The following GRID2 variants were observed in gnomAD, a reference collection of about 807,000 sequenced individuals.
GRID2 encodes glutamate receptor ionotropic, delta-2.
Under a neutral mutation model 114.8 loss-of-function variants are expected in GRID2, and 33 were observed. The ratio of observed to expected loss-of-function variants is 0.29; its 90% CI spans 0.22 to 0.38. GRID2 has a LOEUF of 0.38. Among genes scored for constraint, GRID2 ranks in the 10% least tolerant of loss-of-function variants. The pLI is 1.00. For missense variants in GRID2, 1,184 were observed against 1,257.7 expected (o/e 0.94, Z 0.89); for synonymous variants, 505 against 449.9 (o/e 1.12, Z -1.55).
intron 4 of GRID2, among the ~76,000 whole-genome samples, chr4:93,207,148 G>A (rs1304710796): frequency 2.0e-5 from 3 of 151,958 alleles, no homozygotes; most frequent in East Asian, 3.9e-4. Context: ...ATTTTTTTCT[G>A]TTGAAACCCA....
At chr4:93,261,961 G>A (rs1750300107) in intron 8 of GRID2, among the ~76,000 whole-genome samples, 1 of 151,256 alleles carries the variant, frequency 6.6e-6, no homozygotes, top group Non-Finnish European at 1.5e-5. Flanking sequence ...ACCAAAATAG[G>A]CTCAAGGGCC....
At chr4:93,412,654 A>G (rs549491800) in intron 9 of GRID2, among the ~76,000 whole-genome samples, 49 of 152,132 alleles carry the variant, frequency 3.2e-4, no homozygotes, top group Non-Finnish European at 6.2e-4. Flanking sequence ...ATAGGTATAC[A>G]TGTGCCATGT....
intron 2 of GRID2, among the ~76,000 whole-genome samples, chr4:92,659,261 A>G (rs1397227667): frequency 6.6e-6 from 1 of 151,614 alleles, no homozygotes; most frequent in Non-Finnish European, 1.5e-5. Context: ...AGTTATTGCC[A>G]TTTACATGTT....
At chr4:93,412,579 T>C (rs563339259) in intron 9 of GRID2, among the ~76,000 whole-genome samples, 1 of 152,214 alleles carries the variant, frequency 6.6e-6, no homozygotes, top group African/African-American at 2.4e-5. Flanking sequence ...TCACTTTTAT[T>C]TTTCTTTTTC....
chr4:92,536,901 T>C (rs1398200868), intron 1 of GRID2, among the ~76,000 whole-genome samples: 1 of 152,074 alleles, frequency 6.6e-6, no homozygotes, highest in Non-Finnish European at 1.5e-5. Context: ...CCTAGATGAG[T>C]AGTTACTATG....
At chr4:92,619,697 A>G (rs1315299311) in intron 2 of GRID2, among the ~76,000 whole-genome samples, 1 of 151,726 alleles carries the variant, frequency 6.6e-6, no homozygotes, top group Non-Finnish European at 1.5e-5. Flanking sequence ...TGACACAGAC[A>G]CACTCTTCTT....
chr4:93,389,239 T>G (rs1456541618), intron 8 of GRID2, among the ~76,000 whole-genome samples: 1 of 152,074 alleles, frequency 6.6e-6, no homozygotes, highest in African/African-American at 2.4e-5. Flanking sequence ...TGTCTCAAGG[T>G]AGAATGGAAT....
At chr4:92,468,301 T>A (rs1233363934) in intron 1 of GRID2, among the ~76,000 whole-genome samples, 1 of 151,916 alleles carries the variant, frequency 6.6e-6, no homozygotes, top group Non-Finnish European at 1.5e-5. Flanking sequence ...AAATTGAGAC[T>A]TACAGAGACT....
rs535517883 is a variant in GRID2 at position 93,557,238 on chromosome 4, A to G, written c.2193+41827A>G. Among the ~76,000 whole-genome samples, 3 of 152,330 alleles carry G rather than the reference A, an allele frequency of 2.0e-5. No homozygotes were observed. In the East Asian group the frequency reaches 5.8e-4, roughly 29 times the overall value. ...AATGACAGGGTCAAATTCACACATA[A>G]CAATATTAACCTTAAATGTAAATGG... On this transcript the variant is annotated intron_variant, in intron 13 of 15. Coordinates refer to ENST00000282020, the MANE Select transcript of GRID2 (RefSeq NM_001510.4).
At chr4:92,538,679 T>C (rs569905643) in intron 1 of GRID2, among the ~76,000 whole-genome samples, 30 of 152,154 alleles carry the variant, frequency 2.0e-4, no homozygotes, top group Non-Finnish European at 3.7e-4. Context: ...ATCACACTTG[T>C]CTATTACTGC....
At chr4:93,302,462 A>G (rs1271480574) in intron 8 of GRID2, 1 of 417,072 alleles carries the variant, frequency 2.4e-6, no homozygotes, top group African/African-American at 2.0e-5. Flanking sequence ...CCCCATCACT[A>G]ACAGGCAGAG....
intron 14 of GRID2, among the ~76,000 whole-genome samples, chr4:93,658,228 G>T (rs909535374): frequency 1.3e-5 from 2 of 152,122 alleles, no homozygotes; most frequent in Non-Finnish European, 2.9e-5. Flanking sequence ...TAGCTGGTAG[G>T]TAATTGAAAT....
intron 8 of GRID2, among the ~76,000 whole-genome samples, chr4:93,261,850 T>C (rs2149550611): frequency 6.6e-6 from 1 of 151,726 alleles, no homozygotes; most frequent in East Asian, 1.9e-4. Flanking sequence ...ATATTCTTCC[T>C]TGTTTATGTT....
At chr4:92,861,976 C>T (rs1372306320) in intron 2 of GRID2, among the ~76,000 whole-genome samples, 1 of 151,932 alleles carries the variant, frequency 6.6e-6, no homozygotes, top group African/African-American at 2.4e-5. Context: ...TATTATAAGA[C>T]CCCAGAATTT....
chr4:93,764,306 T>G (rs977780358), intron 14 of GRID2, among the ~76,000 whole-genome samples: 1 of 152,168 alleles, frequency 6.6e-6, no homozygotes, highest in Non-Finnish European at 1.5e-5. Context: ...ACTTCTAAAA[T>G]TTTTCTGTTC....
chr4:93,187,530 G>A (rs1740550945), intron 4 of GRID2, among the ~76,000 whole-genome samples: 1 of 152,160 alleles, frequency 6.6e-6, no homozygotes, highest in Admixed American at 6.6e-5. Flanking sequence ...TACTTGCCTT[G>A]GCCTCCCAAT....
At chr4:93,354,363 A>C (rs1197532675) in intron 8 of GRID2, among the ~76,000 whole-genome samples, 1 of 152,038 alleles carries the variant, frequency 6.6e-6, no homozygotes, top group African/African-American at 2.4e-5. Flanking sequence ...AATTATTGAG[A>C]AATAAAGATT....
At chr4:92,327,366 T>TTGTGTGTG (rs33960256) in intron 1 of GRID2, among the ~76,000 whole-genome samples, 279 of 150,072 alleles carry the variant, frequency 1.9e-3, no homozygotes, top group African/African-American at 6.6e-3. Flanking sequence ...ATCCTAGATT[T>TTGTGTGTG]TGTGTGTGTG....
chr4:92,813,164 A>G (rs1740734111), intron 2 of GRID2, among the ~76,000 whole-genome samples: 1 of 152,146 alleles, frequency 6.6e-6, no homozygotes, highest in African/African-American at 2.4e-5. Flanking sequence ...TGATAAAAAT[A>G]TATTTCCTGG....
Sources: allele counts gnomAD v4.1 joint callset (sites outside exome capture counted in the v4.1 genomes callset), GRCh38; gene constraint gnomAD v4.1.1; transcripts MANE v1.5; gene names NCBI Gene and HGNC (gene_info 2026-07-23, HGNC 2026-07-21).